The following NBAS variants were observed in gnomAD, a reference collection of about 807,000 sequenced individuals.
The protein encoded by NBAS is NAG/BC035112 fusion.
A neutral mutation model predicts 302.5 loss-of-function variants in NBAS; 219 were observed. The ratio of observed to expected loss-of-function variants is 0.72; its 90% CI spans 0.65 to 0.81. NBAS has a LOEUF of 0.81. Ranked by LOEUF, NBAS falls within the 30% of genes least tolerant of loss-of-function variation. NBAS has a pLI of 0.00. For synonymous variants in NBAS, 1,118 were observed against 1,021.6 expected (o/e 1.09, Z -1.80); for missense variants, 2,932 against 2,841.6 (o/e 1.03, Z -0.72).
chr2:14,897,337 AT>A, the NBAS span, among the ~76,000 whole-genome samples: 6 of 152,168 alleles, frequency 3.9e-5, no homozygotes, highest in Non-Finnish European at 8.8e-5. Flanking sequence ...AGTTTGATAA[AT>A]TATTTAAATA....
the NBAS span, among the ~76,000 whole-genome samples, chr2:14,865,102 T>C: frequency 1.3e-5 from 2 of 152,158 alleles, no homozygotes; most frequent in Admixed American, 1.3e-4. Context: ...CCGCCTTCTG[T>C]TCTGGGCTTC....
At position 15,424,363 on chromosome 2, in the gene NBAS, C is replaced by A; in HGVS notation, c.2529G>T (p.Met843Ile). 2 of 1,614,092 alleles carry A rather than the reference C, an allele frequency of 1.2e-6. No homozygotes were observed. The highest frequency in any genetic ancestry group is 1.7e-6 in the Non-Finnish European group (2 of 1,179,978). Reference protein sequence around the residue: ...RMTQLTVEKVMDWYQTRAEEI... With the variant: ...RMTQLTVEKVIDWYQTRAEEI... The stretch of plus-strand genomic sequence containing the variant: ...CCTCTGCTCTGGTCTGATACCAGTC[C>A]ATAACCTTCTCCACCGTAAGCTGGG... Residue 843 changes from methionine (M) to isoleucine (I), a missense_variant, in exon 23 of 52, where the codon ATG becomes ATT. Met to Ile is a conservative substitution (Grantham distance 10). Transcript: ENST00000281513.
In NBAS at chr2:15,395,365, C is replaced by G. The variant is rs187516835; in HGVS notation, c.3135-1016G>C. Among the ~76,000 whole-genome samples, 389 of 152,180 alleles carry G rather than the reference C, an allele frequency of 2.6e-3. 2 individuals are homozygous for G. The highest frequency in any genetic ancestry group is 4.8e-3 in the Non-Finnish European group (327 of 67,932). ...CTCAACCCAACAAACCTTAGTCAAACTAAACTGAATGTGTTAGGAAGGTAG... is the reference window on the plus strand; with the variant it reads ...CTCAACCCAACAAACCTTAGTCAAAGTAAACTGAATGTGTTAGGAAGGTAG... On this transcript the variant is annotated intron_variant, in intron 27 of 51. Coordinates refer to ENST00000281513, the MANE Select transcript of NBAS (RefSeq NM_015909.4).
the NBAS span, among the ~76,000 whole-genome samples, chr2:14,978,958 G>GC: frequency 1.3e-5 from 2 of 152,142 alleles, no homozygotes; most frequent in African/African-American, 4.8e-5. Context: ...AACTTGAATA[G>GC]AAGTTTCACT....
At chr2:15,105,330 T>A in the NBAS span, among the ~76,000 whole-genome samples, 42 of 152,088 alleles carry the variant, frequency 2.8e-4, no homozygotes, top group East Asian at 7.0e-3. Context: ...ATGGGTGCAG[T>A]AAACCACCAT....
At chr2:15,195,402 A>G (rs945274580) in intron 48 of NBAS, among the ~76,000 whole-genome samples, 5 of 152,148 alleles carry the variant, frequency 3.3e-5, no homozygotes, top group Non-Finnish European at 5.9e-5. Flanking sequence ...CATTTATGTA[A>G]TATTTTTGAT....
At chr2:15,395,438 G>A (rs1368676892) in intron 27 of NBAS, among the ~76,000 whole-genome samples, 3 of 152,032 alleles carry the variant, frequency 2.0e-5, no homozygotes, top group African/African-American at 4.8e-5. Context: ...AGCTGATTTT[G>A]TAAACATTTT....
At position 15,236,236 on chromosome 2, in the gene NBAS, T is replaced by A. The variant is rs945059406; in HGVS notation, c.5944-1489A>T. Among the ~76,000 whole-genome samples, 6 of 152,186 alleles carry A rather than the reference T, an allele frequency of 3.9e-5. No individual in the cohort carries two copies. The East Asian group carries it at 7.7e-4, about 20-fold the overall frequency. ...ACATGTTTTTTATCAATAATCCCCT[T>A]GAATCCCCCCATAAACTATTCTAGG... On this transcript the variant is annotated intron_variant, in intron 45 of 51. Transcript: ENST00000281513.
the NBAS span, among the ~76,000 whole-genome samples, chr2:15,153,414 C>A: frequency 6.6e-6 from 1 of 152,212 alleles, no homozygotes; most frequent in African/African-American, 2.4e-5. Flanking sequence ...GCAGAGAGAA[C>A]TATGCCTCAT....
At chr2:15,257,595 G>A (rs1177560680) in intron 44 of NBAS, among the ~76,000 whole-genome samples, 1 of 152,058 alleles carries the variant, frequency 6.6e-6, no homozygotes, top group Non-Finnish European at 1.5e-5. Context: ...GTTTCACCAT[G>A]TTGGCCTGAC....
intron 32 of NBAS, among the ~76,000 whole-genome samples, chr2:15,358,863 G>T (rs1189491506): frequency 1.3e-5 from 2 of 152,090 alleles, no homozygotes; most frequent in Non-Finnish European, 1.5e-5. Flanking sequence ...CCTTCTAAAG[G>T]CTAACAGAAT....
the NBAS span, among the ~76,000 whole-genome samples, chr2:14,998,138 A>G: frequency 7.2e-5 from 11 of 152,000 alleles, no homozygotes; most frequent in Non-Finnish European, 1.3e-4. Context: ...TTCCTGCAGG[A>G]CTCTGGGAAA....
intron 31 of NBAS, among the ~76,000 whole-genome samples, chr2:15,374,149 G>A (rs1418030121): frequency 2.6e-5 from 4 of 151,874 alleles, no homozygotes; most frequent in Non-Finnish European, 4.4e-5. Flanking sequence ...ATTTCTTATC[G>A]TTCCCTCTTT....
chr2:15,166,419 C>G (rs1053020775), downstream of NBAS, among the ~76,000 whole-genome samples: 23 of 152,170 alleles, frequency 1.5e-4, no homozygotes, highest in Admixed American at 1.4e-3. Context: ...TGGCTATGCC[C>G]TGAAGGTCAT....
chr2:15,299,038 G>A (rs2148130397), intron 40 of NBAS, among the ~76,000 whole-genome samples: 1 of 152,234 alleles, frequency 6.6e-6, no homozygotes, highest in African/African-American at 2.4e-5. Context: ...AGTACACTCA[G>A]ACTTCCCTCC....
chr2:15,286,868 A>T (rs1244581478), intron 42 of NBAS, among the ~76,000 whole-genome samples: 1 of 152,232 alleles, frequency 6.6e-6, no homozygotes, highest in Non-Finnish European at 1.5e-5. Flanking sequence ...TACACAAAAA[A>T]TTTTCAGTAA....
the NBAS span, among the ~76,000 whole-genome samples, chr2:14,827,749 C>T: frequency 6.6e-6 from 1 of 151,984 alleles, no homozygotes; most frequent in African/African-American, 2.4e-5. Context: ...ATGAAATAAT[C>T]AAACTTAGAG....
At chr2:15,038,817 C>A in the NBAS span, among the ~76,000 whole-genome samples, 1 of 152,180 alleles carries the variant, frequency 6.6e-6, no homozygotes, top group South Asian at 2.1e-4. Flanking sequence ...TGCTGCCTGG[C>A]CAGAGAGGAA....
chr2:15,308,310 G>A lies in NBAS; in HGVS notation c.4703C>T (p.Ala1568Val), dbSNP rs1671121057. 2.5e-6 allele frequency: 4 copies of A among 1,614,076 alleles called. No individual in the cohort carries two copies. Among genetic ancestry groups the A allele is most frequent in the South Asian group, 2.2e-5 (2 of 91,088 alleles). Residue 1568 changes from alanine (A) to valine (V), a missense_variant, in exon 40 of 52, where the codon GCA becomes GTA. Physicochemically the swap from Ala to Val is moderately conservative, Grantham distance 64. Transcript: ENST00000281513. ...ATACGCTGCCAGCTGGAGAGATAAT[G>A]CAGAGGGGGACTGCTTTTCAAAGCA... Reference protein sequence around the residue: ...NRCFEKQSPSALSLQLAAYYY... With the variant: ...NRCFEKQSPSVLSLQLAAYYY...
Sources: allele counts gnomAD v4.1 joint callset (sites outside exome capture counted in the v4.1 genomes callset), GRCh38; gene constraint gnomAD v4.1.1; transcripts MANE v1.5; gene names NCBI Gene and HGNC (gene_info 2026-07-23, HGNC 2026-07-21).